SLC12A8: variants seen among roughly 807,000 people sequenced by gnomAD.
SLC12A8 encodes the protein cation-chloride cotransporter 9.
A neutral mutation model predicts 75.6 loss-of-function variants in SLC12A8; 69 were observed. The observed-to-expected ratio is 0.91, with a 90% CI of 0.75 to 1.11. The LOEUF (loss-of-function observed/expected upper bound fraction) is 1.11. Ranked by LOEUF, SLC12A8 falls within the 50% of genes most tolerant of loss-of-function variation. SLC12A8 has a pLI of 0.00. For synonymous variants in SLC12A8, 365 were observed against 372.8 expected, an observed-to-expected ratio of 0.98 and a Z score of 0.24; for missense variants, 877 against 896.7, an observed-to-expected ratio of 0.98 and a Z score of 0.28.
At chr3:125,130,728 G>A (rs886347177) in intron 6 of SLC12A8, among the ~76,000 whole-genome samples, 1 of 152,214 alleles carries the variant, frequency 6.6e-6, no homozygotes, top group African/African-American at 2.4e-5. Flanking sequence ...CAAGCCTCAG[G>A]CTGCTGCTAA....
intron 2 of SLC12A8, among the ~76,000 whole-genome samples, chr3:125,199,151 G>T (rs987418782): frequency 7.2e-5 from 11 of 152,134 alleles, no homozygotes; most frequent in African/African-American, 2.7e-4. Flanking sequence ...AAACATTCTT[G>T]TTCTTAGGAA....
intron 5 of SLC12A8, among the ~76,000 whole-genome samples, chr3:125,141,954 C>G (rs1255951791): frequency 6.6e-6 from 1 of 152,046 alleles, no homozygotes; most frequent in East Asian, 1.9e-4. Flanking sequence ...ACCCGCACGA[C>G]GACGCCCGAA....
intron 6 of SLC12A8, among the ~76,000 whole-genome samples, chr3:125,130,976 T>C (rs1340752726): frequency 6.6e-6 from 1 of 152,224 alleles, no homozygotes; most frequent in Non-Finnish European, 1.5e-5. Flanking sequence ...ACCTGGTATC[T>C]TGGCCCAGGG....
At chr3:125,129,451 G>C (rs544362735) in intron 6 of SLC12A8, among the ~76,000 whole-genome samples, 1 of 152,166 alleles carries the variant, frequency 6.6e-6, no homozygotes, top group Non-Finnish European at 1.5e-5. Flanking sequence ...ACCAGCACAG[G>C]GTGTAATGGA....
chr3:125,109,744 T>A lies in SLC12A8; in HGVS notation c.1059+445A>T, dbSNP rs1035954189. Reference sequence around the variant, plus strand: ...GTGTAGACGCCAGAGGTGTAGGAAATCATCAAACAGCAACCCCCAAGGGGC... The same window carrying A: ...GTGTAGACGCCAGAGGTGTAGGAAAACATCAAACAGCAACCCCCAAGGGGC... On this transcript the variant is annotated intron_variant, in intron 9 of 13. Coordinates refer to ENST00000469902, the MANE Select transcript of SLC12A8 (RefSeq NM_024628.6). Among the ~76,000 whole-genome samples the A allele has an allele frequency of 3.9e-5, 6 of 152,028 alleles. No homozygotes were observed. The South Asian group carries it at 6.2e-4, about 16-fold the overall frequency.
chr3:125,088,828 A>AT (rs756184187), intron 12 of SLC12A8, among the ~76,000 whole-genome samples: 79 of 152,312 alleles, frequency 5.2e-4, no homozygotes, highest in Admixed American at 9.8e-4. Flanking sequence ...GCACTTAAGA[A>AT]TTTTTTTAAC....
At chr3:125,175,159 G>A (rs1281866517) in intron 5 of SLC12A8, among the ~76,000 whole-genome samples, 1 of 152,200 alleles carries the variant, frequency 6.6e-6, no homozygotes, top group Non-Finnish European at 1.5e-5. Flanking sequence ...TCATTTGAAG[G>A]AAAAGTAGAA....
rs190199037 is a variant in SLC12A8, at chr3:125,117,519, C to A, written c.912+1250G>T. On this transcript the variant is annotated intron_variant, in intron 8 of 13. Transcript: ENST00000469902. Reference sequence around the variant, plus strand: ...GCTGAGGTGGGAGAATCACCTGAGCCCTGGAAGTTGAGGCTGTAATGAGCC... The same window carrying A: ...GCTGAGGTGGGAGAATCACCTGAGCACTGGAAGTTGAGGCTGTAATGAGCC... 9.9e-5 allele frequency among the ~76,000 whole-genome samples: 15 copies of A among 152,000 alleles called. 1 individual carries two copies. In the East Asian group the frequency reaches 2.9e-3, roughly 29 times the overall value.
rs892349477 is a variant in SLC12A8, at chr3:125,083,113, G to A, written c.*777C>T. 6.6e-6 allele frequency: 1 copy of A among 152,230 alleles called. No homozygotes were observed. The highest frequency in any genetic ancestry group is 2.4e-5 in the African/African-American group (1 of 41,452). 9.4% of individuals were successfully genotyped at this position (152,230 alleles called of 1,614,324 possible). A position where few individuals can be genotyped will look rare whatever the true frequency, so the allele number is the denominator to read the frequency against. On this transcript the variant is annotated 3_prime_UTR_variant, in exon 14 of 14. Transcript: ENST00000469902. ...AGGGTAGACAGGAACTGAGCAGGTG[G>A]AGAATAAGGATTGGAGGGAGACTTT...
At chr3:125,181,607 C>CAAAAAAAAA (rs67602083) in intron 4 of SLC12A8, among the ~76,000 whole-genome samples, 26 of 67,594 alleles carry the variant, frequency 3.8e-4, no homozygotes, top group Non-Finnish European at 5.5e-4. Flanking sequence ...GACTCCGTCT[C>CAAAAAAAAA]AAAAAAAAAA....
rs923435794 is a variant in SLC12A8, at chr3:125,177,755, G to A, written c.610C>T (p.His204Tyr). 1.9e-6 allele frequency: 3 copies of A among 1,613,622 alleles called. No homozygotes were observed. The highest frequency in any genetic ancestry group is 2.7e-5 in the African/African-American group (2 of 74,880). ...CTGAAAGGCTTACCTGGGTCCAGGT[G>A]GGTGAAAGAACCCACCACAAAGTCC... The part of the protein sequence containing the change: ...TLDFVVGSFT[H>Y]LDPEHGFIGY... Residue 204 changes from histidine (H) to tyrosine (Y), a missense_variant, in exon 5 of 14, where the codon CAC (histidine) becomes TAC (tyrosine). Coordinates refer to ENST00000469902, the MANE Select transcript of SLC12A8 (RefSeq NM_024628.6).
chr3:125,126,054 AT>A (rs1315921206), intron 6 of SLC12A8: 1 of 274,662 alleles, frequency 3.6e-6, no homozygotes, highest in African/African-American at 2.3e-5. Flanking sequence ...TTCTCCCTGC[AT>A]CACAACGATG....
chr3:125,102,879 C>T (rs1199507436), intron 10 of SLC12A8, among the ~76,000 whole-genome samples: 1 of 152,116 alleles, frequency 6.6e-6, no homozygotes, highest in Non-Finnish European at 1.5e-5. Context: ...AACCCTAGGG[C>T]CCCCAGAGAG....
At chr3:125,165,541 T>C (rs1934267067) in intron 5 of SLC12A8, among the ~76,000 whole-genome samples, 1 of 152,138 alleles carries the variant, frequency 6.6e-6, no homozygotes, top group South Asian at 2.1e-4. Context: ...ATTTTGGTGG[T>C]AGCTAACTGC....
intron 8 of SLC12A8, among the ~76,000 whole-genome samples, chr3:125,116,936 G>A (rs1163166545): frequency 6.6e-6 from 1 of 152,156 alleles, no homozygotes; most frequent in Non-Finnish European, 1.5e-5. Context: ...ACTTCAGACG[G>A]AAGCATGCAT....
At chr3:125,178,471 C>G (rs1934586172) in intron 4 of SLC12A8, among the ~76,000 whole-genome samples, 1 of 151,906 alleles carries the variant, frequency 6.6e-6, no homozygotes, top group African/African-American at 2.4e-5. Context: ...ACGTCTTTTT[C>G]AACGTCATAT....
chr3:125,166,752 C>A (rs777037558), intron 5 of SLC12A8, among the ~76,000 whole-genome samples: 2 of 152,140 alleles, frequency 1.3e-5, no homozygotes, highest in Admixed American at 6.5e-5. Context: ...GGATAAATTG[C>A]GAAAATATGT....
intron 5 of SLC12A8, among the ~76,000 whole-genome samples, chr3:125,139,699 C>CT (rs1454725858): frequency 6.6e-6 from 1 of 152,212 alleles, no homozygotes; most frequent in Non-Finnish European, 1.5e-5. Context: ...CTGGCCGGTA[C>CT]TGGCTAGCTA....
chr3:125,089,178 A>G (rs982830678), intron 12 of SLC12A8, among the ~76,000 whole-genome samples: 2 of 152,212 alleles, frequency 1.3e-5, no homozygotes, highest in African/African-American at 2.4e-5. Flanking sequence ...AATCTCCACA[A>G]ATATCAACAG....
Sources: gnomAD v4.1 joint callset for allele counts (sites outside exome capture counted in the v4.1 genomes callset) on GRCh38, gnomAD v4.1.1 for gene constraint, MANE v1.5 for transcripts, NCBI Gene and HGNC (gene_info 2026-07-23, HGNC 2026-07-21) for gene names.